The following PTGES3 variants were observed in gnomAD, a reference collection of about 807,000 sequenced individuals.
PTGES3 encodes the protein prostaglandin E synthase 3.
In PTGES3, 5 loss-of-function variants were observed where a neutral mutation model predicts 29.9. That is an observed-to-expected ratio of 0.17 (90% confidence interval 0.09 to 0.35). The LOEUF (loss-of-function observed/expected upper bound fraction) is 0.35. PTGES3 is among the 10% of genes least tolerant of loss of function. The pLI, the probability that PTGES3 is intolerant of heterozygous loss-of-function variation, is 1.00. For missense variants in PTGES3, 128 were observed against 190.0 expected, an observed-to-expected ratio of 0.67 and a Z score of 1.92; for synonymous variants, 49 against 57.8, an observed-to-expected ratio of 0.85 and a Z score of 0.69.
chr12:56,671,503 C>T (rs989347728), intron 4 of PTGES3, among the ~76,000 whole-genome samples: 1 of 152,192 alleles, frequency 6.6e-6, no homozygotes, highest in African/African-American at 2.4e-5. Context: ...TTTGTCCCCT[C>T]CCATGTGATA....
chr12:56,675,494 A>G (rs1359631815), intron 1 of PTGES3, among the ~76,000 whole-genome samples: 1 of 147,352 alleles, frequency 6.8e-6, no homozygotes, highest in Non-Finnish European at 1.5e-5. Context: ...ACACTACTGC[A>G]CTCTAGCCTA....
In PTGES3 at chr12:56,672,823, T is replaced by C; in HGVS notation, c.117-14A>G. 6.4e-7 allele frequency: 1 copy of C among 1,569,586 alleles called. No individual in the cohort carries two copies. The highest frequency in any genetic ancestry group is 2.1e-5 in the Admixed American group (1 of 48,710). On this transcript the variant is annotated splice_polypyrimidine_tract_variant and intron_variant, in intron 2 of 7. Transcript: ENST00000262033. ...CCTCCGAGACAACTGTATAAAATAA[T>C]AAAGAAAGAATTAAGCCTCTTCAAA...
chr12:56,675,936 A>G (rs1231359482), intron 1 of PTGES3, among the ~76,000 whole-genome samples: 2 of 151,860 alleles, frequency 1.3e-5, no homozygotes, highest in Admixed American at 6.6e-5. Flanking sequence ...ACACAACACA[A>G]AAACTGCAGA....
intron 5 of PTGES3, among the ~76,000 whole-genome samples, chr12:56,667,076 C>T (rs139694248): frequency 1.5e-4 from 23 of 152,222 alleles, no homozygotes; most frequent in African/African-American, 9.6e-5. Context: ...GATGCCACCA[C>T]GCCCAGTTAG....
chr12:56,683,338 T>TGGCG (rs1339216929), intron 1 of PTGES3, among the ~76,000 whole-genome samples: 1 of 151,128 alleles, frequency 6.6e-6, no homozygotes, highest in Non-Finnish European at 1.5e-5. Context: ...CCGGGCATGG[T>TGGCG]GGCGCATGCC....
Position 56,666,237 on chromosome 12 carries a change from A to T in PTGES3, c.405T>A (p.Asp135Glu), listed in dbSNP as rs1319271981. 6.2e-7 allele frequency: 1 copy of T among 1,610,712 alleles called. No individual in the cohort carries two copies. Among genetic ancestry groups the T allele is most frequent in the African/African-American group, 1.3e-5 (1 of 74,822 alleles). ...CTCCATCTACTTCTGGTAAATCTAC[A>T]TCCTCATCACCACCCATGTTGTTCA... ...EMMNNMGGDE[D>E]VDLPEVDGAD... Residue 135 changes from aspartate to glutamate, a missense_variant, in exon 6 of 8, where the codon GAT becomes GAA. Coordinates refer to ENST00000262033, the MANE Select transcript of PTGES3 (RefSeq NM_006601.7).
intron 3 of PTGES3, 38 bp downstream of exon 3, chr12:56,672,700 TCA>T: frequency 6.6e-7 from 1 of 1,507,950 alleles, no homozygotes; most frequent in South Asian, 1.3e-5. Context: ...GTCTGTTTCC[TCA>T]CAACTAAAAT....
In PTGES3 at chr12:56,688,025, A is replaced by T. The variant is rs1415138809; in HGVS notation, c.-26T>A. 1 of 1,525,350 alleles carries T rather than the reference A, an allele frequency of 6.6e-7. No homozygotes were observed. 94.5% of individuals were successfully genotyped at this position (1,525,350 alleles called of 1,614,324 possible). A position where few individuals can be genotyped will look rare whatever the true frequency, so the allele number is the denominator to read the frequency against. ...TGTGAACGGGGCAGGGGGACGGGCG[A>T]ACTGGTGGGCGGGCCTCTCTGGCGG... On this transcript the variant is annotated 5_prime_UTR_variant, in exon 1 of 8. Coordinates refer to ENST00000262033, the MANE Select transcript of PTGES3 (RefSeq NM_006601.7).
At chr12:56,666,013 G>A (rs1451734830) in intron 6 of PTGES3, 191 bp downstream of exon 6, 59 of 1,344,810 alleles carry the variant, frequency 4.4e-5, no homozygotes, top group East Asian at 1.7e-4. Context: ...AATGGTCTAC[G>A]GTACAACCAG....
Position 56,664,183 on chromosome 12 carries a change from TTTTTA to T in PTGES3, c.*291_*295del. On this transcript the variant is annotated 3_prime_UTR_variant, in exon 8 of 8. Transcript: ENST00000262033. The stretch of plus-strand genomic sequence containing the variant: ...AAGAAAAGGAGACTTAGGTGAGATG[TTTTTA>T]TTTATCGCAACTGCTGCATTAATTG... 1 of 253,418 alleles carries T rather than the reference TTTTTA, an allele frequency of 3.9e-6. No individual in the cohort carries two copies. Among genetic ancestry groups the T allele is most frequent in the East Asian group, 1.1e-4 (1 of 9,124 alleles). 15.7% of individuals were successfully genotyped at this position (253,418 alleles called of 1,614,324 possible).
intron 1 of PTGES3, among the ~76,000 whole-genome samples, chr12:56,686,665 C>T (rs1952875851): frequency 6.6e-6 from 1 of 152,130 alleles, no homozygotes; most frequent in African/African-American, 2.4e-5. Flanking sequence ...TTGTGAGCCA[C>T]CGCGCCCAGC....
At position 56,688,064 on chromosome 12, in the gene PTGES3, G is replaced by T; in HGVS notation, c.-65C>A. The T allele has an allele frequency of 6.8e-7, 1 of 1,468,102 alleles. No homozygotes were observed. Among genetic ancestry groups the T allele is most frequent in the Non-Finnish European group, 9.0e-7 (1 of 1,107,910 alleles). 90.9% of individuals were successfully genotyped at this position (1,468,102 alleles called of 1,614,324 possible). ...CCTCTCTGGCGGCGGCTGCTGCTAG[G>T]GAGTCGACTTCTCTCCGGTGGCGAC... On this transcript the variant is annotated 5_prime_UTR_variant, in exon 1 of 8. Coordinates refer to ENST00000262033, the MANE Select transcript of PTGES3 (RefSeq NM_006601.7).
At chr12:56,668,596 T>C (rs1592243155) in intron 5 of PTGES3, among the ~76,000 whole-genome samples, 1 of 152,150 alleles carries the variant, frequency 6.6e-6, no homozygotes, top group Non-Finnish European at 1.5e-5. Flanking sequence ...CACCGATTTC[T>C]ACAGGTAAGG....
At chr12:56,666,857 G>A (rs1951808640) in intron 5 of PTGES3, among the ~76,000 whole-genome samples, 1 of 151,908 alleles carries the variant, frequency 6.6e-6, no homozygotes. Context: ...GAATTCCTGG[G>A]CTGTAGTGAT....
Position 56,688,152 on chromosome 12 carries a change from G to A in PTGES3, c.-153C>T, listed in dbSNP as rs1166061970. On this transcript the variant is annotated 5_prime_UTR_variant, in exon 1 of 8. Transcript: ENST00000262033. The stretch of plus-strand genomic sequence containing the variant: ...CCCTCAGGCGACGGCGGCAGCGGCG[G>A]GCTCGACCTCGGGCCCCAGAATGCA... 4.4e-6 allele frequency: 6 copies of A among 1,357,080 alleles called. No homozygotes were observed. Among genetic ancestry groups the A allele is most frequent in the Non-Finnish European group, 5.7e-6 (6 of 1,047,806 alleles). 84.1% of individuals were successfully genotyped at this position (1,357,080 alleles called of 1,614,324 possible).
At chr12:56,674,548 CG>C (rs1384887988) in intron 1 of PTGES3, among the ~76,000 whole-genome samples, 1 of 151,870 alleles carries the variant, frequency 6.6e-6, no homozygotes, top group African/African-American at 2.4e-5. Context: ...AAAATTCAGG[CG>C]GGCACAGTGG....
At chr12:56,668,826 T>C (rs1328448072) in intron 5 of PTGES3, among the ~76,000 whole-genome samples, 3 of 147,038 alleles carry the variant, frequency 2.0e-5, no homozygotes, top group Non-Finnish European at 4.6e-5. Context: ...ATTCGACTTA[T>C]ACACTAATGT....
chr12:56,671,644 G>T, intron 4 of PTGES3, 105 bp downstream of exon 4: 1 of 598,050 alleles, frequency 1.7e-6, no homozygotes, highest in Non-Finnish European at 2.8e-6. Context: ...TTTATACTTA[G>T]CTGTGAAACA....
At chr12:56,677,670 T>G (rs985494623) in intron 1 of PTGES3, among the ~76,000 whole-genome samples, 2 of 152,110 alleles carry the variant, frequency 1.3e-5, no homozygotes, top group South Asian at 2.1e-4. Flanking sequence ...ATTATTATTT[T>G]TTTTTGGTGG....
Sources: allele counts gnomAD v4.1 joint callset (sites outside exome capture counted in the v4.1 genomes callset), GRCh38; gene constraint gnomAD v4.1.1; transcripts MANE v1.5; gene names NCBI Gene and HGNC (gene_info 2026-07-23, HGNC 2026-07-21).